The following HS6ST2 variants were observed in gnomAD, a reference collection of about 807,000 sequenced individuals.
HS6ST2 encodes heparan-sulfate 6-O-sulfotransferase 2.
Under a neutral mutation model 33.0 loss-of-function variants are expected in HS6ST2, and 17 were observed. The observed-to-expected ratio is 0.52, with a 90% CI of 0.35 to 0.77. The LOEUF (loss-of-function observed/expected upper bound fraction) is 0.77. HS6ST2 is among the 30% of genes least tolerant of loss of function. HS6ST2 has a pLI of 0.01. For missense variants in HS6ST2, 519 were observed against 551.7 expected (o/e 0.94, Z 0.59); for synonymous variants, 248 against 237.1 (o/e 1.05, Z -0.42).
chrX:132,683,525 A>G (rs1348009603), intron 3 of HS6ST2, among the ~76,000 whole-genome samples: 1 of 111,666 alleles, frequency 9.0e-6, no homozygotes, highest in African/African-American at 3.3e-5. Context: ...ACAGGTCAGC[A>G]CTCCTAGTGC....
intron 2 of HS6ST2, among the ~76,000 whole-genome samples, chrX:132,821,287 A>G (rs891920379): frequency 1.9e-4 from 18 of 96,589 alleles, no homozygotes; most frequent in Middle Eastern, 5.6e-3. Context: ...ATCTCGGCTC[A>G]CTGCAAGTTC....
At chrX:132,635,811 T>G (rs927884694) in intron 4 of HS6ST2, among the ~76,000 whole-genome samples, 1 of 110,995 alleles carries the variant, frequency 9.0e-6, no homozygotes, top group African/African-American at 3.3e-5. Flanking sequence ...ATACCCTATA[T>G]GCTGAATTTT....
At chrX:132,761,021 G>A (rs2064800782) in intron 2 of HS6ST2, among the ~76,000 whole-genome samples, 2 of 111,058 alleles carry the variant, frequency 1.8e-5, no homozygotes, top group Non-Finnish European at 3.8e-5. Flanking sequence ...TTGTTTTCTG[G>A]GATAAGATAT....
At chrX:132,927,763 G>A (rs2066723818) in intron 2 of HS6ST2, among the ~76,000 whole-genome samples, 1 of 109,952 alleles carries the variant, frequency 9.1e-6, no homozygotes, top group African/African-American at 3.3e-5. Context: ...AGGCTGAGAG[G>A]GGAGGATCGC....
chrX:132,922,447 G>A (rs978525838), intron 2 of HS6ST2, among the ~76,000 whole-genome samples: 2 of 112,077 alleles, frequency 1.8e-5, no homozygotes, highest in African/African-American at 6.5e-5. Context: ...ACCAACAAGC[G>A]AGCAAATGCC....
chrX:132,863,700 C>A (rs1236437080), intron 2 of HS6ST2, among the ~76,000 whole-genome samples: 1 of 110,809 alleles, frequency 9.0e-6, no homozygotes, highest in African/African-American at 3.3e-5. Context: ...TGAGGATCAG[C>A]AAAGTAAAAG....
chrX:132,769,753 C>T (rs1285292511), intron 2 of HS6ST2, among the ~76,000 whole-genome samples: 3 of 112,021 alleles, frequency 2.7e-5, no homozygotes, highest in Non-Finnish European at 5.6e-5. Flanking sequence ...GGCGCAAAAG[C>T]GGAAGTGACC....
chrX:132,771,810 T>C (rs1400690344), intron 2 of HS6ST2, among the ~76,000 whole-genome samples: 3 of 111,918 alleles, frequency 2.7e-5, no homozygotes, highest in Non-Finnish European at 5.6e-5. Context: ...GATACTGTAT[T>C]TGCCTAAAAA....
At chrX:132,657,044 G>T (rs763711673) in intron 4 of HS6ST2, among the ~76,000 whole-genome samples, 1 of 111,618 alleles carries the variant, frequency 9.0e-6, no homozygotes, top group Non-Finnish European at 1.9e-5. Flanking sequence ...TTGGAATGAA[G>T]AATGGCTACA....
chrX:132,946,272 G>T, intron 2 of HS6ST2, among the ~76,000 whole-genome samples: 1 of 111,849 alleles, frequency 8.9e-6, no homozygotes, highest in Non-Finnish European at 1.9e-5. Flanking sequence ...CCATTACTGG[G>T]TATATACCCA....
rs759115870 is a variant in HS6ST2, at chrX:132,958,409, C to G, written c.194G>C (p.Arg65Pro). ...PRGVSHGFHT[R>P]PLLDKPRKAS... The stretch of plus-strand genomic sequence containing the variant: ...CTTTCGGGGCTTGTCCAGGAGCGGC[C>G]GGGTGTGGAATCCGTGAGACACACC... The change falls in exon 1 of 5, where the codon CGG (arginine) becomes CCG (proline). Residue 65 changes from arginine to proline, a missense_variant. Arg to Pro is a moderately radical substitution (Grantham distance 103). Transcript: ENST00000370833. 8.3e-7 allele frequency: 1 copy of G among 1,197,829 alleles called. No individual in the cohort carries two copies. Among genetic ancestry groups the G allele is most frequent in the South Asian group, 1.8e-5 (1 of 55,984 alleles).
At chrX:132,758,764 C>T (rs1346471868) in intron 2 of HS6ST2, among the ~76,000 whole-genome samples, 1 of 112,087 alleles carries the variant, frequency 8.9e-6, no homozygotes, top group Non-Finnish European at 1.9e-5. Flanking sequence ...TGCCAAATCC[C>T]GTAGTATTTT....
At chrX:132,760,958 T>C (rs1213606835) in intron 2 of HS6ST2, among the ~76,000 whole-genome samples, 1 of 111,580 alleles carries the variant, frequency 9.0e-6, no homozygotes, top group African/African-American at 3.3e-5. Flanking sequence ...TTGCAATTAC[T>C]CAATTTGGGG....
intron 2 of HS6ST2, among the ~76,000 whole-genome samples, chrX:132,834,093 G>A (rs905851079): frequency 2.7e-5 from 3 of 111,082 alleles, no homozygotes; most frequent in African/African-American, 6.6e-5. Flanking sequence ...TCCCTAAAAA[G>A]GTGACATAGG....
chrX:132,947,485 G>GA (rs201737291), intron 2 of HS6ST2, among the ~76,000 whole-genome samples: 4 of 108,090 alleles, frequency 3.7e-5, no homozygotes, highest in East Asian at 2.9e-4. Flanking sequence ...ATTGTTATCT[G>GA]AAAAAAAAAC....
chrX:132,835,733 T>G (rs776653337), intron 2 of HS6ST2, among the ~76,000 whole-genome samples: 9 of 111,805 alleles, frequency 8.0e-5, no homozygotes, highest in African/African-American at 2.9e-4. Context: ...CTGGCCAACA[T>G]GGCGAAACCC....
intron 2 of HS6ST2, among the ~76,000 whole-genome samples, chrX:132,801,277 C>A (rs1274216544): frequency 9.2e-6 from 1 of 109,144 alleles, no homozygotes; most frequent in African/African-American, 3.3e-5. Flanking sequence ...GCCTGGGTGA[C>A]AAAGCAAGAC....
intron 2 of HS6ST2, among the ~76,000 whole-genome samples, chrX:132,945,031 G>T (rs925458561): frequency 1.8e-5 from 2 of 111,941 alleles, no homozygotes; most frequent in East Asian, 5.6e-4. Flanking sequence ...AAGAGCGTCT[G>T]CACAGCAAAA....
chrX:132,952,040 C>G (rs1288179430), intron 2 of HS6ST2, among the ~76,000 whole-genome samples: 2 of 111,856 alleles, frequency 1.8e-5, no homozygotes, highest in African/African-American at 3.2e-5. Context: ...GATGGCTATT[C>G]TTTTAATGTC....
Sources: allele counts gnomAD v4.1 joint callset (sites outside exome capture counted in the v4.1 genomes callset), GRCh38; gene constraint gnomAD v4.1.1; transcripts MANE v1.5; gene names NCBI Gene and HGNC (gene_info 2026-07-23, HGNC 2026-07-21).